Variants in LRRTM4 observed in about 807,000 individuals in gnomAD.
The protein encoded by LRRTM4 is leucine-rich repeat transmembrane neuronal protein 4.
In LRRTM4, 25 loss-of-function variants were observed where a neutral mutation model predicts 47.6. The observed-to-expected ratio is 0.53, with a 90% confidence interval of 0.38 to 0.73. The LOEUF (loss-of-function observed/expected upper bound fraction) is 0.73, where lower values mean the gene tolerates loss of function less well. LRRTM4 is among the 30% of genes least tolerant of loss of function. The probability of loss-of-function intolerance (pLI) is 0.00; values close to 1 mark genes in which losing one functional copy is unlikely to be tolerated. For missense variants in LRRTM4, 638 were observed against 713.4 expected (o/e 0.89, Z 1.20); for synonymous variants, 311 against 269.5 (o/e 1.15, Z -1.51).
intron 3 of LRRTM4, among the ~76,000 whole-genome samples, chr2:77,046,932 C>A (rs1679254765): frequency 6.6e-6 from 1 of 152,016 alleles, no homozygotes; most frequent in South Asian, 2.1e-4. Context: ...CTTAGAAATG[C>A]AACTGTTTTG....
intron 3 of LRRTM4, among the ~76,000 whole-genome samples, chr2:76,995,861 C>T (rs1476115310): frequency 1.3e-5 from 2 of 152,030 alleles, no homozygotes; most frequent in East Asian, 3.9e-4. Context: ...CATACACAAA[C>T]ACCTATTCAA....
chr2:76,799,185 T>C lies in LRRTM4; in HGVS notation c.1552-50269A>G, dbSNP rs927532503. ...TTAGACCAATATCCTTGATGAACAT[T>C]GATGCAAAAATCCTCAATAAAATAC... On this transcript the variant is annotated intron_variant, in intron 3 of 3. Coordinates refer to ENST00000409884, the MANE Select transcript of LRRTM4 (RefSeq NM_001134745.3). Among the ~76,000 whole-genome samples, 26 of 129,716 alleles carry C rather than the reference T, an allele frequency of 2.0e-4. 1 individual carries two copies. The highest frequency in any genetic ancestry group is 1.6e-3 in the South Asian group (6 of 3,718). 85.1% of individuals were successfully genotyped at this position (129,716 alleles called of 152,430 possible).
At chr2:77,063,657 T>G (rs1679864762) in intron 3 of LRRTM4, among the ~76,000 whole-genome samples, 1 of 152,216 alleles carries the variant, frequency 6.6e-6, no homozygotes, top group African/African-American at 2.4e-5. Flanking sequence ...CAACTCTTTT[T>G]ATAACTCCCA....
chr2:77,221,231 G>A (rs896690243), intron 3 of LRRTM4, among the ~76,000 whole-genome samples: 1 of 152,150 alleles, frequency 6.6e-6, no homozygotes, highest in African/African-American at 2.4e-5. Context: ...GGAACAACTG[G>A]TACCAGCCAC....
chr2:77,094,556 T>C (rs989355447), intron 3 of LRRTM4, among the ~76,000 whole-genome samples: 6 of 152,254 alleles, frequency 3.9e-5, no homozygotes, highest in African/African-American at 1.4e-4. Flanking sequence ...ATAGAAATAG[T>C]ATGATACAGC....
At chr2:77,451,486 C>G (rs550706442) in intron 3 of LRRTM4, among the ~76,000 whole-genome samples, 1 of 152,256 alleles carries the variant, frequency 6.6e-6, no homozygotes, top group South Asian at 2.1e-4. Flanking sequence ...TGGTACACTT[C>G]TGTCTCATTT....
At chr2:77,495,372 G>A (rs1308532658) in intron 3 of LRRTM4, among the ~76,000 whole-genome samples, 1 of 151,890 alleles carries the variant, frequency 6.6e-6, no homozygotes, top group Non-Finnish European at 1.5e-5. Flanking sequence ...CCTTCACAGT[G>A]CCTTTCAAAG....
At chr2:76,795,999 T>C (rs1321013721) in intron 3 of LRRTM4, among the ~76,000 whole-genome samples, 2 of 143,176 alleles carry the variant, frequency 1.4e-5, no homozygotes, top group Admixed American at 1.4e-4. Flanking sequence ...ATTGCCTCAC[T>C]TGGGAAGCGC....
chr2:77,185,385 C>G (rs1211273041), intron 3 of LRRTM4, among the ~76,000 whole-genome samples: 1 of 152,100 alleles, frequency 6.6e-6, no homozygotes, highest in Non-Finnish European at 1.5e-5. Context: ...ATATTTTGGT[C>G]TCCATCCACC....
intron 3 of LRRTM4, among the ~76,000 whole-genome samples, chr2:77,219,565 T>C (rs1674558974): frequency 6.6e-6 from 1 of 152,200 alleles, no homozygotes; most frequent in Non-Finnish European, 1.5e-5. Flanking sequence ...CTGATATTTC[T>C]CATCTCTACA....
chr2:76,808,559 C>A (rs79100536), intron 3 of LRRTM4, among the ~76,000 whole-genome samples: 6,762 of 152,054 alleles, frequency 0.044, 457 homozygotes, highest in African/African-American at 0.14. Flanking sequence ...TTTATTGATG[C>A]AAATATATAA....
chr2:77,140,449 C>A (rs995865515), intron 3 of LRRTM4, among the ~76,000 whole-genome samples: 59 of 152,174 alleles, frequency 3.9e-4, no homozygotes, highest in Non-Finnish European at 6.6e-4. Flanking sequence ...TGGATCCCTT[C>A]CTTACACCTT....
At chr2:77,457,277 T>C (rs1558752333) in intron 3 of LRRTM4, among the ~76,000 whole-genome samples, 2 of 151,974 alleles carry the variant, frequency 1.3e-5, no homozygotes, top group Non-Finnish European at 2.9e-5. Context: ...CTCAGATTTT[T>C]ATCTCTCAGT....
At chr2:77,260,894 G>C (rs538350307) in intron 3 of LRRTM4, among the ~76,000 whole-genome samples, 1 of 152,212 alleles carries the variant, frequency 6.6e-6, no homozygotes, top group South Asian at 2.1e-4. Context: ...GATTCCAGGA[G>C]ATGAACCATA....
chr2:76,896,722 T>C (rs1411798550), intron 3 of LRRTM4, among the ~76,000 whole-genome samples: 1 of 151,228 alleles, frequency 6.6e-6, no homozygotes, highest in Non-Finnish European at 1.5e-5. Flanking sequence ...TTTTTAAATC[T>C]TTTTGTTTCA....
chr2:76,847,425 T>G (rs926714114), intron 3 of LRRTM4, among the ~76,000 whole-genome samples: 1 of 152,234 alleles, frequency 6.6e-6, no homozygotes, highest in Admixed American at 6.5e-5. Context: ...CATGAGCCAA[T>G]GACTTTCCTA....
At chr2:76,832,477 T>TC (rs1304829338) in intron 3 of LRRTM4, among the ~76,000 whole-genome samples, 2 of 131,348 alleles carry the variant, frequency 1.5e-5, no homozygotes, top group Non-Finnish European at 3.2e-5. Flanking sequence ...TTTTTTTTTT[T>TC]GTCTACACTG....
At chr2:77,140,038 G>A (rs78396332) in intron 3 of LRRTM4, among the ~76,000 whole-genome samples, 4 of 152,096 alleles carry the variant, frequency 2.6e-5, no homozygotes, top group African/African-American at 9.7e-5. Context: ...TCCTGAAAAT[G>A]GCCATACTGC....
chr2:76,987,928 T>C (rs1676861154), intron 3 of LRRTM4, among the ~76,000 whole-genome samples: 1 of 151,894 alleles, frequency 6.6e-6, no homozygotes, highest in African/African-American at 2.4e-5. Context: ...TAATAATGAT[T>C]GCTATGGAAT....
Sources: allele counts gnomAD v4.1 joint callset (sites outside exome capture counted in the v4.1 genomes callset), GRCh38; gene constraint gnomAD v4.1.1; transcripts MANE v1.5; gene names NCBI Gene and HGNC (gene_info 2026-07-23, HGNC 2026-07-21).